Variants in MCCC2 observed in about 807,000 individuals in gnomAD.
MCCC2 encodes the protein methylcrotonyl-CoA carboxylase subunit 2, also known as methylcrotonoyl-CoA carboxylase beta chain, mitochondrial.
MCCC2 carries 52 observed loss-of-function variants against 77.2 expected under a neutral mutation model. The ratio of observed to expected loss-of-function variants is 0.67; its 90% CI spans 0.54 to 0.85. The LOEUF (loss-of-function observed/expected upper bound fraction) is 0.85. MCCC2 is among the 40% of genes least tolerant of loss of function. MCCC2 has a pLI of 0.00. For synonymous variants in MCCC2, 253 were observed against 248.4 expected (o/e 1.02, Z -0.18); for missense variants, 682 against 703.2 (o/e 0.97, Z 0.34).
At chr5:71,643,109 G>A (rs1427343370) in intron 11 of MCCC2, among the ~76,000 whole-genome samples, 3 of 152,046 alleles carry the variant, frequency 2.0e-5, no homozygotes, top group Non-Finnish European at 2.9e-5. Context: ...CAGGCTGGGC[G>A]TGGTGGCTCA....
chr5:71,595,081 G>A (rs1202983467), intron 2 of MCCC2, among the ~76,000 whole-genome samples: 1 of 138,250 alleles, frequency 7.2e-6, no homozygotes, highest in African/African-American at 2.7e-5. Context: ...CATATTTTTA[G>A]TAGAGATGGG....
intron 6 of MCCC2, among the ~76,000 whole-genome samples, chr5:71,618,799 G>A (rs908686061): frequency 2.0e-5 from 3 of 152,164 alleles, no homozygotes; most frequent in Admixed American, 2.0e-4. Context: ...GTGAGACTTA[G>A]AATCCTCCTC....
intron 7 of MCCC2, among the ~76,000 whole-genome samples, chr5:71,628,849 A>T (rs776557641): frequency 6.6e-6 from 1 of 152,224 alleles, no homozygotes; most frequent in Admixed American, 6.5e-5. Context: ...TCTAGAAAAG[A>T]TACGAAAATA....
chr5:71,588,811 T>G (rs917013405), intron 1 of MCCC2, among the ~76,000 whole-genome samples: 3 of 152,166 alleles, frequency 2.0e-5, no homozygotes, highest in African/African-American at 7.2e-5. Flanking sequence ...TGTGAGGACT[T>G]GAATTCCATG....
intron 10 of MCCC2, among the ~76,000 whole-genome samples, 181 bp from the exon 11 acceptor site, chr5:71,640,822 C>T (rs1375120065): frequency 6.6e-6 from 1 of 152,134 alleles, no homozygotes; most frequent in Non-Finnish European, 1.5e-5. Context: ...AAATCAGAAC[C>T]CAGAATGACT....
At chr5:71,633,091 T>TTTTATATATATATATA (rs1172020093) in intron 8 of MCCC2, among the ~76,000 whole-genome samples, 5 of 84,244 alleles carry the variant, frequency 5.9e-5, no homozygotes, top group African/African-American at 2.5e-4. Context: ...TTTTTCAGTT[T>TTTTATATATATATATA]TATATATATA....
chr5:71,650,007 G>T (rs1231163934), intron 14 of MCCC2, 62 bp from the exon 15 acceptor site: 2 of 1,277,120 alleles, frequency 1.6e-6, no homozygotes, highest in African/African-American at 1.5e-5. Context: ...GCAAACATGG[G>T]CCTCTGAAAA....
intron 6 of MCCC2, among the ~76,000 whole-genome samples, chr5:71,609,922 C>G (rs374214592): frequency 2.6e-5 from 4 of 151,746 alleles, no homozygotes; most frequent in Non-Finnish European, 5.9e-5. Context: ...GCAGTCTGCC[C>G]GTTCTCAGAT....
intron 13 of MCCC2, among the ~76,000 whole-genome samples, chr5:71,648,025 T>C (rs1747317858): frequency 1.3e-5 from 2 of 152,116 alleles, no homozygotes; most frequent in African/African-American, 2.4e-5. Context: ...GAGTCAAGGC[T>C]GGGGAGATTG....
intron 6 of MCCC2, among the ~76,000 whole-genome samples, chr5:71,617,643 A>T (rs1233934654): frequency 1.3e-5 from 2 of 152,154 alleles, no homozygotes; most frequent in African/African-American, 4.8e-5. Context: ...ACAATTCCTT[A>T]TGTTTATTAT....
At chr5:71,592,823 T>G (rs1745031771) in intron 1 of MCCC2, 103 bp from the exon 2 acceptor site, 1 of 933,490 alleles carries the variant, frequency 1.1e-6, no homozygotes. Context: ...CCACACAGAG[T>G]TGGCACAGAC....
At chr5:71,639,861 T>C (rs1747062400) in intron 10 of MCCC2, among the ~76,000 whole-genome samples, 1 of 152,078 alleles carries the variant, frequency 6.6e-6, no homozygotes, top group South Asian at 2.1e-4. Flanking sequence ...GGAAAAGAAG[T>C]AAAAAATAAT....
intron 6 of MCCC2, among the ~76,000 whole-genome samples, chr5:71,612,018 G>C (rs1419661967): frequency 6.6e-6 from 1 of 151,664 alleles, no homozygotes. Flanking sequence ...TCGATCTCCT[G>C]ACCTCGTGAT....
chr5:71,651,363 C>T (rs1015737974), intron 15 of MCCC2, among the ~76,000 whole-genome samples: 5 of 152,176 alleles, frequency 3.3e-5, no homozygotes, highest in Admixed American at 1.3e-4. Flanking sequence ...GATCAGCAAG[C>T]GGCTGCTTTT....
intron 6 of MCCC2, among the ~76,000 whole-genome samples, chr5:71,612,587 G>A (rs948928184): frequency 6.6e-5 from 10 of 152,078 alleles, no homozygotes; most frequent in African/African-American, 2.2e-4. Context: ...CAAATTCTTG[G>A]CCTCAAGGAT....
chr5:71,599,557 A>G (rs776245030), intron 3 of MCCC2, 102 bp from the exon 4 acceptor site: 8 of 868,670 alleles, frequency 9.2e-6, no homozygotes, highest in Non-Finnish European at 1.5e-5. Flanking sequence ...TATTTGAAAT[A>G]TTGTCCCATT....
intron 13 of MCCC2, among the ~76,000 whole-genome samples, chr5:71,646,977 A>ATC (rs763596628): frequency 1.3e-5 from 2 of 152,224 alleles, no homozygotes; most frequent in Non-Finnish European, 2.9e-5. Flanking sequence ...AAAGAATGGT[A>ATC]TGACCAAAGT....
chr5:71,622,915 G>A (rs919833335), intron 6 of MCCC2, among the ~76,000 whole-genome samples: 11 of 152,192 alleles, frequency 7.2e-5, no homozygotes, highest in African/African-American at 2.7e-4. Flanking sequence ...GACCATCCTG[G>A]CTAACATGGT....
chr5:71,645,209 C>T (rs533436763), intron 12 of MCCC2, among the ~76,000 whole-genome samples: 120 of 152,224 alleles, frequency 7.9e-4, no homozygotes, highest in African/African-American at 2.6e-3. Context: ...CTCAGCCTGA[C>T]GTTTCATTTG....
Sources: gnomAD v4.1 joint callset for allele counts (sites outside exome capture counted in the v4.1 genomes callset) on GRCh38, gnomAD v4.1.1 for gene constraint, MANE v1.5 for transcripts, NCBI Gene and HGNC (gene_info 2026-07-23, HGNC 2026-07-21) for gene names.